RANBP2: variants seen among roughly 807,000 people sequenced by gnomAD.
The protein encoded by RANBP2 is E3 SUMO-protein ligase RanBP2.
In RANBP2, 57 loss-of-function variants were observed where a neutral mutation model predicts 303.6. The ratio of observed to expected loss-of-function variants is 0.19; its 90% CI spans 0.15 to 0.23. RANBP2 has a LOEUF of 0.23. RANBP2 is among the 10% of genes least tolerant of loss of function. RANBP2 has a pLI of 1.00. For synonymous variants in RANBP2, 1,167 were observed against 1,301.5 expected (o/e 0.90, Z 2.23); for missense variants, 3,138 against 3,780.8 (o/e 0.83, Z 4.46).
the RANBP2 span, chr2:109,613,931 G>GT: frequency 5.7e-6 from 7 of 1,221,506 alleles, no homozygotes; most frequent in East Asian, 2.3e-4. Flanking sequence ...CAACGGGCGG[G>GT]GCGCGAGGCT....
At position 108,735,903 on chromosome 2, in the gene RANBP2, A is replaced by G. The variant is rs180744664; in HGVS notation, c.636+141A>G. The G allele has an allele frequency of 7.0e-3, 10,566 of 1,513,172 alleles. 85 individuals carry two copies. The highest frequency in any genetic ancestry group is 0.033 in the East Asian group (1,424 of 43,548). The allele number at this position is 1,513,172 out of a possible 1,614,324, so 93.7% of individuals were successfully genotyped here. A position where few individuals can be genotyped will look rare whatever the true frequency, so the allele number is the denominator to read the frequency against. On this transcript the variant is annotated intron_variant, in intron 5 of 28. Coordinates refer to ENST00000283195, the MANE Select transcript of RANBP2 (RefSeq NM_006267.5). ...GTTATAAAATGAAATTTTTACCAGG[A>G]TCAGTTAAATTTATAATGGGAAGAT...
the RANBP2 span, among the ~76,000 whole-genome samples, chr2:108,879,297 G>T: frequency 2.0e-5 from 3 of 152,236 alleles, no homozygotes; most frequent in African/African-American, 4.8e-5. Context: ...AATTATCAAA[G>T]AATTCTTTTT....
At chr2:108,797,150 A>G in the RANBP2 span, among the ~76,000 whole-genome samples, 1 of 152,204 alleles carries the variant, frequency 6.6e-6, no homozygotes, top group African/African-American at 2.4e-5. Flanking sequence ...AGTGGATATA[A>G]TTAAGCAGAA....
the RANBP2 span, among the ~76,000 whole-genome samples, chr2:109,648,030 C>T: frequency 5.3e-5 from 8 of 152,280 alleles, no homozygotes; most frequent in East Asian, 1.3e-3. Flanking sequence ...GGCCAATTAG[C>T]AGTAATCACA....
chr2:109,370,233 C>G, the RANBP2 span, among the ~76,000 whole-genome samples: 78 of 114,950 alleles, frequency 6.8e-4, no homozygotes, highest in African/African-American at 2.3e-3. Flanking sequence ...CTCTGTCTCT[C>G]TCTCTCTTTT....
At chr2:108,870,511 A>G in the RANBP2 span, among the ~76,000 whole-genome samples, 1 of 152,352 alleles carries the variant, frequency 6.6e-6, no homozygotes, top group African/African-American at 2.4e-5. Flanking sequence ...AAGAAACTCA[A>G]GGAATCCACA....
At chr2:109,293,623 A>G in the RANBP2 span, among the ~76,000 whole-genome samples, 151 of 152,332 alleles carry the variant, frequency 9.9e-4, no homozygotes, top group Admixed American at 1.7e-3. Context: ...TCAAGTTTCC[A>G]AGACTCCTTC....
At chr2:109,688,487 T>C in the RANBP2 span, among the ~76,000 whole-genome samples, 1 of 152,096 alleles carries the variant, frequency 6.6e-6, no homozygotes, top group East Asian at 1.9e-4. Context: ...TTAGAATCAA[T>C]GTAAAATTGC....
the RANBP2 span, among the ~76,000 whole-genome samples, chr2:109,341,657 C>A: frequency 6.6e-6 from 1 of 152,166 alleles, no homozygotes; most frequent in African/African-American, 2.4e-5. Flanking sequence ...CACCCCAAGA[C>A]CCAGGTTTCT....
chr2:108,797,585 T>A, the RANBP2 span, among the ~76,000 whole-genome samples: 1 of 151,852 alleles, frequency 6.6e-6, no homozygotes, highest in East Asian at 1.9e-4. Context: ...GTGGGAGAGA[T>A]TCAAAATAAT....
the RANBP2 span, among the ~76,000 whole-genome samples, chr2:109,249,789 T>C: frequency 6.6e-6 from 1 of 151,958 alleles, no homozygotes; most frequent in South Asian, 2.1e-4. Flanking sequence ...CCTGAGTAGC[T>C]GGGACTACAG....
At chr2:108,777,620 G>C (rs1016407981) in intron 25 of RANBP2, among the ~76,000 whole-genome samples, 1 of 151,792 alleles carries the variant, frequency 6.6e-6, no homozygotes, top group African/African-American at 2.4e-5. Context: ...TACTATCTTT[G>C]GATTTCAGTA....
the RANBP2 span, among the ~76,000 whole-genome samples, chr2:109,750,731 T>A: frequency 2.0e-4 from 7 of 34,872 alleles, 2 homozygotes; most frequent in Admixed American, 1.9e-3. Context: ...TAATAATAAT[T>A]TTTTTTTTTC....
the RANBP2 span, among the ~76,000 whole-genome samples, chr2:109,278,920 G>A: frequency 9.2e-5 from 14 of 152,184 alleles, no homozygotes; most frequent in Non-Finnish European, 1.9e-4. Flanking sequence ...TAGTACACCC[G>A]AGGCTCCGTG....
chr2:108,914,920 C>G, the RANBP2 span, among the ~76,000 whole-genome samples: 1 of 152,118 alleles, frequency 6.6e-6, no homozygotes, highest in Admixed American at 6.5e-5. Flanking sequence ...GACTGTTTTT[C>G]TGTTTTGTTT....
chr2:108,914,219 C>T, the RANBP2 span, among the ~76,000 whole-genome samples: 1 of 151,898 alleles, frequency 6.6e-6, no homozygotes, highest in Admixed American at 6.5e-5. Context: ...GAGATCACAC[C>T]ACTGCACTCT....
the RANBP2 span, chr2:109,398,924 C>T: frequency 2.8e-5 from 45 of 1,612,330 alleles, no homozygotes; most frequent in African/African-American, 9.3e-5. Context: ...GCTCATCTGT[C>T]GTGCGCTGCT....
the RANBP2 span, among the ~76,000 whole-genome samples, chr2:109,264,956 A>C: frequency 1.3e-5 from 2 of 152,156 alleles, no homozygotes; most frequent in African/African-American, 4.8e-5. Context: ...TGTGGGTGGC[A>C]GGGGGACTAG....
At chr2:109,181,032 C>T in the RANBP2 span, among the ~76,000 whole-genome samples, 2 of 152,176 alleles carry the variant, frequency 1.3e-5, no homozygotes, top group Non-Finnish European at 2.9e-5. Flanking sequence ...TTGACAAAGT[C>T]CTTTGATGGC....
Sources: gnomAD v4.1 joint callset for allele counts (sites outside exome capture counted in the v4.1 genomes callset) on GRCh38, gnomAD v4.1.1 for gene constraint, MANE v1.5 for transcripts, NCBI Gene and HGNC (gene_info 2026-07-23, HGNC 2026-07-21) for gene names.